MAN1A2: variants seen among roughly 807,000 people sequenced by gnomAD.
MAN1A2 encodes the protein mannosyl-oligosaccharide 1,2-alpha-mannosidase IB.
A neutral mutation model predicts 75.7 loss-of-function variants in MAN1A2; 26 were observed. The observed-to-expected ratio is 0.34, with a 90% CI of 0.25 to 0.48. MAN1A2 has a LOEUF of 0.48. Ranked by LOEUF, MAN1A2 falls within the 20% of genes least tolerant of loss-of-function variation. The pLI, the probability that MAN1A2 is intolerant of heterozygous loss-of-function variation, is 0.99. For synonymous variants in MAN1A2, 247 were observed against 264.6 expected (o/e 0.93, Z 0.65); for missense variants, 562 against 775.5 (o/e 0.72, Z 3.27).
intron 12 of MAN1A2, among the ~76,000 whole-genome samples, chr1:117,520,930 A>G (rs1485348225): frequency 6.6e-6 from 1 of 152,060 alleles, no homozygotes; most frequent in African/African-American, 2.4e-5. Flanking sequence ...ACCTCAGGCC[A>G]TAGTCACCAA....
intron 4 of MAN1A2, among the ~76,000 whole-genome samples, chr1:117,415,394 T>TA (rs1647955870): frequency 6.6e-6 from 1 of 152,176 alleles, no homozygotes; most frequent in African/African-American, 2.4e-5. Context: ...GTGCTTGCTT[T>TA]TCCTTTTGAC....
intron 8 of MAN1A2, among the ~76,000 whole-genome samples, chr1:117,491,993 A>G (rs190468055): frequency 6.6e-6 from 1 of 152,208 alleles, no homozygotes; most frequent in Admixed American, 6.6e-5. Flanking sequence ...AGCAAAGAAG[A>G]TGGTTTCTTG....
At chr1:117,494,743 A>G (rs1001490809) in intron 9 of MAN1A2, 1 of 152,014 alleles carries the variant, frequency 6.6e-6, no homozygotes, top group African/African-American at 2.4e-5. Flanking sequence ...AGAAAGTTGT[A>G]TGATCCAAGA....
At chr1:117,472,824 A>G (rs1289544205) in intron 8 of MAN1A2, among the ~76,000 whole-genome samples, 3 of 151,378 alleles carry the variant, frequency 2.0e-5, no homozygotes, top group African/African-American at 7.3e-5. Flanking sequence ...TTTTTTTTTT[A>G]CAATTTTTAA....
chr1:117,433,438 A>G (rs1178932090), intron 5 of MAN1A2, among the ~76,000 whole-genome samples: 1 of 152,210 alleles, frequency 6.6e-6, no homozygotes, highest in Non-Finnish European at 1.5e-5. Flanking sequence ...AGCAAACTAT[A>G]TGTTAATTAT....
At chr1:117,454,150 G>A (rs890358685) in intron 6 of MAN1A2, among the ~76,000 whole-genome samples, 4 of 152,168 alleles carry the variant, frequency 2.6e-5, no homozygotes, top group African/African-American at 9.7e-5. Context: ...GAAAAAGTTT[G>A]TGTGACTCAT....
At chr1:117,444,583 G>T (rs560516672) in intron 6 of MAN1A2, among the ~76,000 whole-genome samples, 2 of 151,912 alleles carry the variant, frequency 1.3e-5, no homozygotes, top group Non-Finnish European at 2.9e-5. Flanking sequence ...TTTTTGACAC[G>T]ATGGTTGCTA....
At chr1:117,372,101 A>G (rs1049546706) in intron 1 of MAN1A2, among the ~76,000 whole-genome samples, 1 of 152,222 alleles carries the variant, frequency 6.6e-6, no homozygotes, top group East Asian at 1.9e-4. Context: ...TAATAAAAGC[A>G]AGGGAATGAC....
chr1:117,398,129 C>T (rs1647271273), intron 1 of MAN1A2, among the ~76,000 whole-genome samples: 2 of 152,128 alleles, frequency 1.3e-5, no homozygotes, highest in Non-Finnish European at 2.9e-5. Flanking sequence ...CAGATAGGGT[C>T]TCTGAACTTA....
intron 12 of MAN1A2, among the ~76,000 whole-genome samples, chr1:117,520,606 A>G (rs1651843036): frequency 6.6e-6 from 1 of 152,050 alleles, no homozygotes; most frequent in African/African-American, 2.4e-5. Flanking sequence ...TTAGGAATAT[A>G]CCTAACCAAG....
intron 6 of MAN1A2, among the ~76,000 whole-genome samples, chr1:117,449,203 T>C (rs1649328908): frequency 1.3e-5 from 2 of 152,010 alleles, no homozygotes; most frequent in South Asian, 4.2e-4. Flanking sequence ...ATAAATAACC[T>C]TTCAGTGGCC....
intron 12 of MAN1A2, among the ~76,000 whole-genome samples, chr1:117,519,709 C>T (rs1651815661): frequency 6.6e-6 from 1 of 151,798 alleles, no homozygotes; most frequent in Admixed American, 6.6e-5. Context: ...CAAAAAAAAG[C>T]CCAGGAACAG....
chr1:117,526,386 AAATT>A lies in MAN1A2; in HGVS notation c.*3432_*3435del, dbSNP rs1441127115. 6.6e-6 allele frequency: 1 copy of A among 151,818 alleles called. No homozygotes were observed. Among genetic ancestry groups the A allele is most frequent in the Non-Finnish European group, 1.5e-5 (1 of 67,822 alleles). The allele number at this position is 151,818 out of a possible 1,614,324, so 9.4% of individuals were successfully genotyped here. ...AAATTCTTAATTTTATATTTCATAT[AAATT>A]AAAGAGGAAAAAGAAAAGGTTTATA... is the stretch of plus-strand genomic sequence containing the variant. On this transcript the variant is annotated 3_prime_UTR_variant, in exon 13 of 13. Transcript: ENST00000356554.
rs1263978642 is a variant in MAN1A2 at position 117,523,264 on chromosome 1, G to A, written c.*307G>A. On this transcript the variant is annotated 3_prime_UTR_variant, in exon 13 of 13. Coordinates refer to ENST00000356554, the MANE Select transcript of MAN1A2 (RefSeq NM_006699.5). ...ATTGTTTTTAGAGTCCTGAAGTCTG[G>A]AGGCTAGACTTCCTGAAAGCAAGTC... 1 of 517,534 alleles carries A rather than the reference G, an allele frequency of 1.9e-6. No individual in the cohort carries two copies. The allele number at this position is 517,534 out of a possible 1,614,324, so 32.1% of individuals were successfully genotyped here. A position where few individuals can be genotyped will look rare whatever the true frequency, so the allele number is the denominator to read the frequency against.
At chr1:117,401,065 C>A (rs560320268) in intron 1 of MAN1A2, among the ~76,000 whole-genome samples, 1 of 151,924 alleles carries the variant, frequency 6.6e-6, no homozygotes, top group African/African-American at 2.4e-5. Context: ...TACTTTTTGT[C>A]TCTAGGGTTT....
intron 1 of MAN1A2, among the ~76,000 whole-genome samples, chr1:117,382,150 G>A (rs187770187): frequency 4.9e-4 from 75 of 152,310 alleles, no homozygotes; most frequent in African/African-American, 1.7e-3. Flanking sequence ...CACTCTGACG[G>A]TAGTTTCTTT....
At chr1:117,388,052 G>T (rs183914019) in intron 1 of MAN1A2, among the ~76,000 whole-genome samples, 271 of 149,318 alleles carry the variant, frequency 1.8e-3, no homozygotes, top group African/African-American at 6.5e-3. Context: ...ATGAATTTTG[G>T]GGGGACACAA....
intron 1 of MAN1A2, among the ~76,000 whole-genome samples, chr1:117,372,986 A>T (rs907262422): frequency 6.6e-6 from 1 of 152,210 alleles, no homozygotes; most frequent in Non-Finnish European, 1.5e-5. Context: ...TCTTAGTTCT[A>T]CTAACTAGCT....
In MAN1A2 at chr1:117,527,534, A is replaced by G. The variant is rs1390430709; in HGVS notation, c.*4577A>G. ...ATATTTTGTTGTCTTGAAAGCAGAT[A>G]CACTCTTCCTGGAGTCTGTTCAGGT... On this transcript the variant is annotated 3_prime_UTR_variant, in exon 13 of 13. Transcript: ENST00000356554. 2 of 152,042 alleles carry G rather than the reference A, an allele frequency of 1.3e-5. No homozygotes were observed. Among genetic ancestry groups the G allele is most frequent in the Non-Finnish European group, 2.9e-5 (2 of 67,946 alleles). The allele number at this position is 152,042 out of a possible 1,614,324, so 9.4% of individuals were successfully genotyped here.
Sources: gnomAD v4.1 joint callset for allele counts (sites outside exome capture counted in the v4.1 genomes callset) on GRCh38, gnomAD v4.1.1 for gene constraint, MANE v1.5 for transcripts, NCBI Gene and HGNC (gene_info 2026-07-23, HGNC 2026-07-21) for gene names.